Variants in CTSK observed in about 807,000 individuals in gnomAD.
The protein encoded by CTSK is cathepsin O.
Under a neutral mutation model 40.5 loss-of-function variants are expected in CTSK, and 26 were observed. The ratio of observed to expected loss-of-function variants is 0.64; its 90% CI spans 0.47 to 0.89. The LOEUF is 0.89. Ranked by LOEUF, CTSK falls within the 40% of genes least tolerant of loss-of-function variation. CTSK has a pLI of 0.00. For missense variants in CTSK, 292 were observed against 400.1 expected, an observed-to-expected ratio of 0.73 and a Z score of 2.30; for synonymous variants, 132 against 143.2, an observed-to-expected ratio of 0.92 and a Z score of 0.56.
intron 4 of CTSK, 28 bp from the exon 5 acceptor site, chr1:150,804,267 T>A (rs1334094936): frequency 1.3e-6 from 2 of 1,561,502 alleles, no homozygotes; most frequent in African/African-American, 2.7e-5. Flanking sequence ...AAACTATCAA[T>A]CTTTGCTGTT....
At chr1:150,802,293 A>T (rs1654008730) in intron 5 of CTSK, among the ~76,000 whole-genome samples, 1 of 150,508 alleles carries the variant, frequency 6.6e-6, no homozygotes, top group African/African-American at 2.4e-5. Flanking sequence ...AAAAAAAAAA[A>T]AGGGTAGGCC....
intron 6 of CTSK, 127 bp from the exon 7 acceptor site, chr1:150,799,400 C>A (rs1208434559): frequency 8.4e-7 from 1 of 1,192,082 alleles, no homozygotes; most frequent in Non-Finnish European, 1.3e-6. Context: ...AGATGCTGCT[C>A]CATACTGCAG....
chr1:150,802,623 T>C (rs1654014679), intron 5 of CTSK, among the ~76,000 whole-genome samples: 1 of 152,058 alleles, frequency 6.6e-6, no homozygotes, highest in South Asian at 2.1e-4. Flanking sequence ...TGCTATGTTG[T>C]ACCAGGCTGA....
chr1:150,799,646 G>A lies in CTSK; in HGVS notation c.682C>T (p.Pro228Ser). The part of the protein sequence containing the change: ...AAKCRGYREI[P>S]EGNEKALKRA... The stretch of plus-strand genomic sequence containing the variant: ...TTCAGGGCTTTCTCATTCCCCTCGG[G>A]GATCTCTCTGTACCCTCTGCATTTA... Residue 228 changes from proline (P) to serine (S), a missense_variant, in exon 6 of 8, where the codon CCC (proline) becomes TCC (serine). Pro to Ser is a moderately conservative substitution (Grantham distance 74). Transcript: ENST00000271651. 1 of 1,614,084 alleles carries A rather than the reference G, an allele frequency of 6.2e-7. No homozygotes were observed. Among genetic ancestry groups the A allele is most frequent in the Non-Finnish European group, 8.5e-7 (1 of 1,179,990 alleles).
intron 7 of CTSK, among the ~76,000 whole-genome samples, chr1:150,798,658 G>C (rs1028132203): frequency 6.6e-6 from 1 of 152,204 alleles, no homozygotes; most frequent in Admixed American, 6.5e-5. Context: ...TGTGGGAGGT[G>C]GGGCATAGTG....
At chr1:150,806,339 T>C in intron 2 of CTSK, 115 bp from the exon 3 acceptor site, 1 of 1,224,448 alleles carries the variant, frequency 8.2e-7, no homozygotes, top group Non-Finnish European at 1.2e-6. Flanking sequence ...ACAGTTTAGT[T>C]GGGGAACTAA....
Position 150,798,077 on chromosome 1 carries a change from G to A in CTSK, c.890+1091C>T, listed in dbSNP as rs587713025. Among the ~76,000 whole-genome samples, 9 of 152,304 alleles carry A rather than the reference G, an allele frequency of 5.9e-5. No homozygotes were observed. The South Asian group carries it at 1.7e-3, about 28-fold the overall frequency. ...TGCCAGGTTAATGGTGATCAGCCAG[G>A]AAAGGAAAACTATAATTGTTATCAA... On this transcript the variant is annotated intron_variant, in intron 7 of 7. Coordinates refer to ENST00000271651, the MANE Select transcript of CTSK (RefSeq NM_000396.4).
chr1:150,803,225 A>G (rs1365704290), intron 5 of CTSK, among the ~76,000 whole-genome samples: 1 of 152,248 alleles, frequency 6.6e-6, no homozygotes, highest in Non-Finnish European at 1.5e-5. Context: ...ACATTGTTAC[A>G]TACTAGTGGT....
rs773943327 is a variant in CTSK at position 150,805,969 on chromosome 1, CAG to C, written c.289_290del (p.Leu97ValfsTer6). 5 of 1,614,144 alleles carry C rather than the reference CAG, an allele frequency of 3.1e-6. No individual in the cohort carries two copies. The highest frequency in any genetic ancestry group is 1.7e-5 in the Admixed American group (1 of 60,012). On this transcript the variant is annotated frameshift_variant, in exon 4 of 8. Transcript: ENST00000271651. LOFTEE classifies it high-confidence loss of function. ...GGGTGTCATTACTGCGGGAATGAGACAGGGGTACTTTGAGTCCAGTCATCTTC... is the reference window on the plus strand; with the variant it reads ...GGGTGTCATTACTGCGGGAATGAGACGGGTACTTTGAGTCCAGTCATCTTC... Reference protein sequence around the residue: ...VQKMTGLKVPLSHSRSNDTLY... With the variant: ...VQKMTGLKVPXSHSRSNDTLY...
At chr1:150,807,279 C>T (rs6587522) in intron 1 of CTSK, 469,024 of 471,852 alleles carry the variant, frequency 0.99, 233,157 homozygotes, top group East Asian at 1. Flanking sequence ...TAAGTTTTGC[C>T]TCCTGATCAT....
In CTSK at chr1:150,802,059, C is replaced by T. The variant is rs1654001274; in HGVS notation, c.618+1962G>A. 2.0e-5 allele frequency among the ~76,000 whole-genome samples: 3 copies of T among 151,218 alleles called. No individual in the cohort carries two copies. In the South Asian group the frequency reaches 6.3e-4, roughly 32 times the overall value. On this transcript the variant is annotated intron_variant, in intron 5 of 7. Coordinates refer to ENST00000271651, the MANE Select transcript of CTSK (RefSeq NM_000396.4). ...TTGGGAGGCCGAGGCGGGCGGACCACCTGAGGTCAGGGGTTCAAGACCAGC... is the reference window on the plus strand; with the variant it reads ...TTGGGAGGCCGAGGCGGGCGGACCATCTGAGGTCAGGGGTTCAAGACCAGC...
At position 150,805,855 on chromosome 1, in the gene CTSK, G is replaced by A; in HGVS notation, c.399+6C>T. ...ACATATGCACACCCAGAAGAAAGGA[G>A]AGTACCTGATTTTTGACAGGAGTAA... On this transcript the variant is annotated splice_donor_region_variant and intron_variant, in intron 4 of 7. Coordinates refer to ENST00000271651, the MANE Select transcript of CTSK (RefSeq NM_000396.4). 1 of 1,613,980 alleles carries A rather than the reference G, an allele frequency of 6.2e-7. No individual in the cohort carries two copies. Among genetic ancestry groups the A allele is most frequent in the South Asian group, 1.1e-5 (1 of 91,076 alleles).
At position 150,806,318 on chromosome 1, in the gene CTSK, C is replaced by CT. The variant is rs1654092417; in HGVS notation, c.121-95_121-94insA. 1.5e-5 allele frequency: 22 copies of CT among 1,439,774 alleles called. No homozygotes were observed. The South Asian group carries it at 2.7e-4, about 17-fold the overall frequency. The allele number at this position is 1,439,774 out of a possible 1,614,324, so 89.2% of individuals were successfully genotyped here. On this transcript the variant is annotated intron_variant, in intron 2 of 7. Coordinates refer to ENST00000271651, the MANE Select transcript of CTSK (RefSeq NM_000396.4). ...TAGGAGAATAAAGGAAACTCACAATCATAAAAGTTTACAGTTTAGTTGGGG... is the reference window on the plus strand; with the variant it reads ...TAGGAGAATAAAGGAAACTCACAATCTATAAAAGTTTACAGTTTAGTTGGGG...
At chr1:150,805,759 T>C in intron 4 of CTSK, 102 bp downstream of exon 4, 1 of 1,161,646 alleles carries the variant, frequency 8.6e-7, no homozygotes, top group East Asian at 2.3e-5. Context: ...CTTAATTCCT[T>C]GCCCTCTTTT....
intron 1 of CTSK, chr1:150,807,219 A>G (rs747587843): frequency 2.7e-5 from 13 of 473,792 alleles, no homozygotes; most frequent in Non-Finnish European, 5.7e-5. Flanking sequence ...AGACAGACAA[A>G]TAGCAAGGTG....
chr1:150,796,758 T>G lies in CTSK; in HGVS notation c.*41A>C. On this transcript the variant is annotated 3_prime_UTR_variant, in exon 8 of 8. Transcript: ENST00000271651. ...AGTGCATCGTTACACTGCACCATCG[T>G]GGAAGAAATGGAAGAGCAGGATGGA... The G allele has an allele frequency of 7.2e-7, 1 of 1,383,842 alleles. No homozygotes were observed. Among genetic ancestry groups the G allele is most frequent in the East Asian group, 2.3e-5 (1 of 43,736 alleles). 85.7% of individuals were successfully genotyped at this position (1,383,842 alleles called of 1,614,324 possible). A position where few individuals can be genotyped will look rare whatever the true frequency, so the allele number is the denominator to read the frequency against.
chr1:150,807,400 A>T, intron 1 of CTSK: 1 of 470,998 alleles, frequency 2.1e-6, no homozygotes, highest in Non-Finnish European at 4.4e-6. Flanking sequence ...GAGACATTGT[A>T]TATCTCCTCA....
At chr1:150,807,888 C>T (rs1654146328) in intron 1 of CTSK, among the ~76,000 whole-genome samples, 1 of 152,194 alleles carries the variant, frequency 6.6e-6, no homozygotes, top group Non-Finnish European at 1.5e-5. Flanking sequence ...CACTCTCCTC[C>T]TCCTCACTAA....
At chr1:150,802,648 G>A (rs1420166210) in intron 5 of CTSK, among the ~76,000 whole-genome samples, 1 of 152,058 alleles carries the variant, frequency 6.6e-6, no homozygotes, top group Non-Finnish European at 1.5e-5. Flanking sequence ...GAACTCCTGG[G>A]CTTAAGTGAT....
Sources: gnomAD v4.1 joint callset for allele counts (sites outside exome capture counted in the v4.1 genomes callset) on GRCh38, gnomAD v4.1.1 for gene constraint, MANE v1.5 for transcripts, NCBI Gene and HGNC (gene_info 2026-07-23, HGNC 2026-07-21) for gene names.